Variants in LRRC27 observed in about 807,000 individuals in gnomAD.
The protein encoded by LRRC27 is leucine rich repeat containing 27, also known as leucine-rich repeat-containing protein 27.
Under a neutral mutation model 55.0 loss-of-function variants are expected in LRRC27, and 57 were observed. The observed-to-expected ratio is 1.04, with a 90% CI of 0.84 to 1.29. The LOEUF (loss-of-function observed/expected upper bound fraction) is 1.29, where lower values mean the gene tolerates loss of function less well. Ranked by LOEUF, LRRC27 falls within the 50% of genes most tolerant of loss-of-function variation. The pLI, the probability that LRRC27 is intolerant of heterozygous loss-of-function variation, is 0.00. For synonymous variants in LRRC27, 278 were observed against 251.9 expected, an observed-to-expected ratio of 1.10 and a Z score of -0.98; for missense variants, 721 against 651.5, an observed-to-expected ratio of 1.11 and a Z score of -1.16.
chr10:132,359,971 A>G (rs2068533719), intron 8 of LRRC27, among the ~76,000 whole-genome samples: 1 of 152,218 alleles, frequency 6.6e-6, no homozygotes, highest in South Asian at 2.1e-4. Flanking sequence ...TGGATGTTCG[A>G]AAAAGTCTTC....
rs549629899 is a variant in LRRC27, at chr10:132,369,989, G to A, written c.1416+4439G>A. Among the ~76,000 whole-genome samples the A allele has an allele frequency of 5.9e-5, 9 of 152,170 alleles. No individual in the cohort carries two copies. In the East Asian group the frequency reaches 9.7e-4, roughly 16 times the overall value. On this transcript the variant is annotated intron_variant, in intron 10 of 10. Coordinates refer to ENST00000368614, the MANE Select transcript of LRRC27 (RefSeq NM_030626.3). Reference sequence around the variant, plus strand: ...CACACCTGTCTCTCCATTGACTTTCGTGCCACCTAGGAGGAAGGCGGTGCC... The same window carrying A: ...CACACCTGTCTCTCCATTGACTTTCATGCCACCTAGGAGGAAGGCGGTGCC...
At chr10:132,337,407 T>G (rs2138620458) in intron 2 of LRRC27, 158 bp from the exon 3 acceptor site, 1 of 1,419,208 alleles carries the variant, frequency 7.0e-7, no homozygotes, top group South Asian at 1.6e-5. Context: ...TGTCTACTGT[T>G]TACATCTTTT....
chr10:132,359,093 A>G (rs796201492), intron 8 of LRRC27, among the ~76,000 whole-genome samples: 95 of 276 alleles, frequency 0.34, 16 homozygotes, highest in African/African-American at 0.41. Flanking sequence ...AGCCGAGGTG[A>G]TGGAGCAGTG....
intron 10 of LRRC27, among the ~76,000 whole-genome samples, chr10:132,373,077 C>G (rs1235716675): frequency 6.6e-6 from 1 of 152,200 alleles, no homozygotes; most frequent in Non-Finnish European, 1.5e-5. Flanking sequence ...TAGGAATAGA[C>G]AAGTCTGCTG....
At position 132,363,442 on chromosome 10, in the gene LRRC27, C is replaced by T. The variant is rs568923185; in HGVS notation, c.1289+1867C>T. ...GTATAAGGACCAGGCTGACACGGAG[C>T]CTCAGTGTGGACACACCTTCTTGTC... On this transcript the variant is annotated intron_variant, in intron 9 of 10. Coordinates refer to ENST00000368614, the MANE Select transcript of LRRC27 (RefSeq NM_030626.3). 1.1e-3 allele frequency among the ~76,000 whole-genome samples: 162 copies of T among 152,300 alleles called. 1 individual carries two copies. Among genetic ancestry groups the T allele is most frequent in the African/African-American group, 3.6e-3 (151 of 41,554 alleles).
upstream of LRRC27, chr10:132,331,530 T>C (rs1168123206): frequency 1.2e-6 from 2 of 1,612,818 alleles, no homozygotes; most frequent in East Asian, 2.2e-5. Flanking sequence ...CAGCAAGTCC[T>C]GAGGCAAGAT....
intron 3 of LRRC27, among the ~76,000 whole-genome samples, chr10:132,339,411 G>C (rs1301452355): frequency 1.3e-5 from 2 of 152,220 alleles, no homozygotes; most frequent in Non-Finnish European, 2.9e-5. Flanking sequence ...CTAATGATAG[G>C]TGGTGTCCGG....
At position 132,372,151 on chromosome 10, in the gene LRRC27, T is replaced by C. The variant is rs1486079332; in HGVS notation, c.1417-2915T>C. 8.1e-3 allele frequency among the ~76,000 whole-genome samples: 416 copies of C among 51,628 alleles called. No homozygotes were observed. Among genetic ancestry groups the C allele is most frequent in the Middle Eastern group, 0.03 (2 of 66 alleles). 33.9% of individuals were successfully genotyped at this position (51,628 alleles called of 152,430 possible). A position where few individuals can be genotyped will look rare whatever the true frequency, so the allele number is the denominator to read the frequency against. On this transcript the variant is annotated intron_variant, in intron 10 of 10. Transcript: ENST00000368614. This position sits in a 1 kb window ranked among gnomAD's most constrained non-coding sequence, Gnocchi z 4.0. Reference sequence around the variant, plus strand: ...CGGTGGCTCACGCCTGCAATCCCAGTTGAAAAGCACAGGAAGACAAAACCA... The same window carrying C: ...CGGTGGCTCACGCCTGCAATCCCAGCTGAAAAGCACAGGAAGACAAAACCA...
Position 132,352,659 on chromosome 10 carries a change from GTGTGGGGCAGGCGCTGAGGCCTCCA to G in LRRC27, c.1073+918_1073+942del, listed in dbSNP as rs1388085687. The stretch of plus-strand genomic sequence containing the variant: ...GTGTGGGGCAGGCGCTGAGGCCTCC[GTGTGGGGCAGGCGCTGAGGCCTCCA>G]TGTGGGGCAGGTGCAGCGCTCGTGG... On this transcript the variant is annotated intron_variant, in intron 7 of 10. Transcript: ENST00000368614. 3.6e-3 allele frequency among the ~76,000 whole-genome samples: 497 copies of G among 136,478 alleles called. 33 individuals are homozygous for G. The highest frequency in any genetic ancestry group is 2.8e-3 in the South Asian group (12 of 4,340). 89.5% of individuals were successfully genotyped at this position (136,478 alleles called of 152,430 possible). A position where few individuals can be genotyped will look rare whatever the true frequency, so the allele number is the denominator to read the frequency against.
At chr10:132,334,691 GC>G (rs1369755648) in intron 2 of LRRC27, among the ~76,000 whole-genome samples, 1 of 152,204 alleles carries the variant, frequency 6.6e-6, no homozygotes, top group Non-Finnish European at 1.5e-5. Context: ...CTAGGGTGAG[GC>G]ACTGGTCACA....
At chr10:132,367,324 A>G (rs953357486) in intron 10 of LRRC27, among the ~76,000 whole-genome samples, 1 of 152,270 alleles carries the variant, frequency 6.6e-6, no homozygotes, top group Non-Finnish European at 1.5e-5. Flanking sequence ...TTAAGGTTTA[A>G]GGAAGAAACT....
rs761722619 is a variant in LRRC27 at position 132,347,678 on chromosome 10, G to A, written c.554-306G>A. Among the ~76,000 whole-genome samples, 110 of 148,550 alleles carry A rather than the reference G, an allele frequency of 7.4e-4. 5 individuals carry two copies. The highest frequency in any genetic ancestry group is 6.5e-4 in the South Asian group (3 of 4,586). On this transcript the variant is annotated intron_variant, in intron 5 of 10. Transcript: ENST00000368614. ...GGGCCTGCAGGGGAGGGTCAGGTGCGCCCGGTGGTGCCTGCGGGGAGGGTC... is the reference window on the plus strand; with the variant it reads ...GGGCCTGCAGGGGAGGGTCAGGTGCACCCGGTGGTGCCTGCGGGGAGGGTC...
At chr10:132,362,326 T>TA (rs1358819812) in intron 9 of LRRC27, among the ~76,000 whole-genome samples, 6 of 152,086 alleles carry the variant, frequency 3.9e-5, no homozygotes, top group Non-Finnish European at 4.4e-5. Flanking sequence ...GGAAGCCTGG[T>TA]GCTAACCTGG....
At chr10:132,358,143 A>G (rs941274363) in intron 8 of LRRC27, among the ~76,000 whole-genome samples, 1 of 152,282 alleles carries the variant, frequency 6.6e-6, no homozygotes, top group Admixed American at 6.5e-5. Context: ...TAAAAATCTG[A>G]GAATCCAGTA....
At chr10:132,370,477 A>G (rs975460570) in intron 10 of LRRC27, among the ~76,000 whole-genome samples, 2 of 151,702 alleles carry the variant, frequency 1.3e-5, no homozygotes, top group Admixed American at 6.6e-5. Context: ...GGGTTTTAAA[A>G]CTCCCAAGAA....
chr10:132,336,061 T>C (rs548141457), intron 2 of LRRC27, among the ~76,000 whole-genome samples: 50 of 152,304 alleles, frequency 3.3e-4, no homozygotes, highest in African/African-American at 1.2e-3. Flanking sequence ...ACTGTATATA[T>C]TATTTCCTTC....
intron 4 of LRRC27, 132 bp downstream of exon 4, chr10:132,342,403 C>G (rs905516487): frequency 2.7e-5 from 17 of 625,028 alleles, no homozygotes; most frequent in Admixed American, 1.9e-4. Flanking sequence ...ACTTCTAGGA[C>G]CAAGATAATG....
intron 5 of LRRC27, among the ~76,000 whole-genome samples, chr10:132,345,654 C>T (rs2067647681): frequency 6.6e-6 from 1 of 152,120 alleles, no homozygotes; most frequent in African/African-American, 2.4e-5. Context: ...GCACTGGGCA[C>T]CTGGCAGGAG....
chr10:132,349,631 C>G (rs1258744756), intron 6 of LRRC27, among the ~76,000 whole-genome samples: 1 of 152,200 alleles, frequency 6.6e-6, no homozygotes, highest in Non-Finnish European at 1.5e-5. Flanking sequence ...AATAGCTAAT[C>G]CAAGTGAATT....
Sources: allele counts gnomAD v4.1 joint callset (sites outside exome capture counted in the v4.1 genomes callset), GRCh38; gene constraint gnomAD v4.1.1; non-coding constraint Gnocchi (gnomAD v3.1); transcripts MANE v1.5; gene names NCBI Gene and HGNC (gene_info 2026-07-23, HGNC 2026-07-21).